LRMDA: variants seen among roughly 807,000 people sequenced by gnomAD.
The protein encoded by LRMDA is leucine-rich melanocyte differentiation-associated protein.
In LRMDA, 18 loss-of-function variants were observed where a neutral mutation model predicts 29.8. The ratio of observed to expected loss-of-function variants is 0.60; its 90% CI spans 0.42 to 0.90. The LOEUF (loss-of-function observed/expected upper bound fraction) is 0.90. LRMDA is among the 40% of genes least tolerant of loss of function. The pLI, the probability that LRMDA is intolerant of heterozygous loss-of-function variation, is 0.00. For synonymous variants in LRMDA, 125 were observed against 109.4 expected (o/e 1.14, Z -0.89); for missense variants, 273 against 273.9 (o/e 1.00, Z 0.02).
chr10:75,989,917 C>T (rs1319805181), intron 2 of LRMDA, among the ~76,000 whole-genome samples: 2 of 152,122 alleles, frequency 1.3e-5, no homozygotes, highest in African/African-American at 2.4e-5. Flanking sequence ...CCTAGGTAAA[C>T]GAGTGTCATG....
chr10:75,692,119 T>C (rs1842165944), intron 2 of LRMDA, among the ~76,000 whole-genome samples: 1 of 151,060 alleles, frequency 6.6e-6, no homozygotes, highest in South Asian at 2.1e-4. Context: ...GGAGGGTTGC[T>C]TGAGCCCTGG....
intron 6 of LRMDA, among the ~76,000 whole-genome samples, chr10:76,358,995 A>C (rs543622176): frequency 2.2e-4 from 33 of 152,284 alleles, no homozygotes; most frequent in Non-Finnish European, 4.0e-4. Flanking sequence ...GATGTTCGGC[A>C]AGGGACAGCA....
intron 2 of LRMDA, among the ~76,000 whole-genome samples, chr10:75,458,870 C>T (rs1006914357): frequency 1.3e-5 from 2 of 152,200 alleles, no homozygotes; most frequent in Admixed American, 6.5e-5. Flanking sequence ...AAGGAGCAAG[C>T]GGCTATTTTT....
At chr10:75,459,713 T>C (rs947418438) in intron 2 of LRMDA, among the ~76,000 whole-genome samples, 4 of 152,198 alleles carry the variant, frequency 2.6e-5, no homozygotes, top group African/African-American at 7.2e-5. Flanking sequence ...CCATTTATAA[T>C]GAACAGAAAT....
At chr10:75,809,691 C>T (rs1843922232) in intron 2 of LRMDA, among the ~76,000 whole-genome samples, 1 of 152,054 alleles carries the variant, frequency 6.6e-6, no homozygotes, top group African/African-American at 2.4e-5. Flanking sequence ...ATTCATGGCA[C>T]TTCATGTTCC....
At chr10:75,631,725 G>A (rs538838704) in intron 2 of LRMDA, among the ~76,000 whole-genome samples, 6 of 152,086 alleles carry the variant, frequency 3.9e-5, no homozygotes, top group African/African-American at 1.2e-4. Context: ...TCTTTGACTC[G>A]AAGTGACAGC....
intron 2 of LRMDA, among the ~76,000 whole-genome samples, chr10:75,732,113 T>A (rs1043161779): frequency 6.6e-6 from 1 of 151,080 alleles, no homozygotes; most frequent in East Asian, 1.9e-4. Flanking sequence ...TGAGTTTTTT[T>A]GTGTGTGTGT....
chr10:75,486,872 T>C (rs181404953), intron 2 of LRMDA, among the ~76,000 whole-genome samples: 2 of 152,358 alleles, frequency 1.3e-5, no homozygotes, highest in African/African-American at 4.8e-5. Context: ...TAGCACGTGA[T>C]AATTTGTTCT....
At chr10:76,129,149 A>C (rs991138813) in intron 5 of LRMDA, among the ~76,000 whole-genome samples, 3 of 152,096 alleles carry the variant, frequency 2.0e-5, no homozygotes, top group Non-Finnish European at 4.4e-5. Context: ...AACCAATACC[A>C]GCAGTGCCAG....
At chr10:76,034,226 G>A (rs78678883) in intron 2 of LRMDA, among the ~76,000 whole-genome samples, 2,294 of 152,240 alleles carry the variant, frequency 0.015, 55 homozygotes, top group African/African-American at 0.052. Flanking sequence ...CATAAGAGGT[G>A]TAGATATTTA....
intron 2 of LRMDA, among the ~76,000 whole-genome samples, chr10:75,954,469 C>T (rs1200425836): frequency 6.6e-6 from 1 of 152,196 alleles, no homozygotes; most frequent in Non-Finnish European, 1.5e-5. Context: ...ATGTTTTTCA[C>T]ATTTTATGAC....
intron 2 of LRMDA, among the ~76,000 whole-genome samples, chr10:75,444,026 A>G (rs1844361000): frequency 6.6e-6 from 1 of 152,158 alleles, no homozygotes. Flanking sequence ...ATCATTGTTA[A>G]TTTCATTCAT....
intron 6 of LRMDA, among the ~76,000 whole-genome samples, chr10:76,331,872 A>G (rs1195650268): frequency 6.6e-6 from 1 of 152,184 alleles, no homozygotes; most frequent in Non-Finnish European, 1.5e-5. Flanking sequence ...CCTTTATTTA[A>G]TCGAGGTGAC....
intron 5 of LRMDA, among the ~76,000 whole-genome samples, chr10:76,099,902 A>G (rs994690612): frequency 6.6e-6 from 1 of 152,194 alleles, no homozygotes. Flanking sequence ...TGAAAATAAT[A>G]TGTATTTTTA....
chr10:75,736,080 G>A lies in LRMDA; in HGVS notation c.131+297586G>A, dbSNP rs193159324. ...AAACTCTCCTCGTTTAGTAAATGAC[G>A]GCACGTGAAAGCAGAACATTTGGCA... is the stretch of plus-strand genomic sequence containing the variant. On this transcript the variant is annotated intron_variant, in intron 2 of 6. Coordinates refer to ENST00000611255, the MANE Select transcript of LRMDA (RefSeq NM_001305581.2). Among the ~76,000 whole-genome samples the A allele has an allele frequency of 1.2e-4, 18 of 152,156 alleles. No homozygotes were observed. In the East Asian group the frequency reaches 1.5e-3, roughly 13 times the overall value.
chr10:76,159,667 G>C (rs1850608369), intron 5 of LRMDA, among the ~76,000 whole-genome samples: 1 of 152,094 alleles, frequency 6.6e-6, no homozygotes, highest in East Asian at 1.9e-4. Context: ...AAATAAACTG[G>C]GGTACATGCA....
intron 6 of LRMDA, among the ~76,000 whole-genome samples, chr10:76,393,544 T>C (rs536577424): frequency 1.3e-5 from 2 of 152,100 alleles, no homozygotes; most frequent in Non-Finnish European, 2.9e-5. Context: ...TGAGTCCTTA[T>C]ACATTTTTTT....
chr10:76,009,119 C>T (rs1381924672), intron 2 of LRMDA, among the ~76,000 whole-genome samples: 1 of 152,126 alleles, frequency 6.6e-6, no homozygotes, highest in Non-Finnish European at 1.5e-5. Flanking sequence ...AATTTACAAA[C>T]AATAACAAAG....
At chr10:76,078,313 T>G (rs1176347368) in intron 5 of LRMDA, among the ~76,000 whole-genome samples, 1 of 151,664 alleles carries the variant, frequency 6.6e-6, no homozygotes, top group East Asian at 2.0e-4. Context: ...CCGGCCAATA[T>G]TAACTCTTGA....
Sources: gnomAD v4.1 joint callset for allele counts (sites outside exome capture counted in the v4.1 genomes callset) on GRCh38, gnomAD v4.1.1 for gene constraint, MANE v1.5 for transcripts, NCBI Gene and HGNC (gene_info 2026-07-23, HGNC 2026-07-21) for gene names.